The following UBE3D variants were observed in gnomAD, a reference collection of about 807,000 sequenced individuals.
UBE3D encodes ubiquitin protein ligase E3D, also known as E3 ubiquitin-protein ligase E3D.
In UBE3D, 48 loss-of-function variants were observed where a neutral mutation model predicts 49.6. The ratio of observed to expected loss-of-function variants is 0.97; its 90% CI spans 0.77 to 1.23. The LOEUF (loss-of-function observed/expected upper bound fraction) is 1.23, where lower values mean the gene tolerates loss of function less well. UBE3D is among the 50% of genes most tolerant of loss of function. The pLI, the probability that UBE3D is intolerant of heterozygous loss-of-function variation, is 0.00. For missense variants in UBE3D, 452 were observed against 468.4 expected, an observed-to-expected ratio of 0.96 and a Z score of 0.32; for synonymous variants, 189 against 174.2, an observed-to-expected ratio of 1.08 and a Z score of -0.67.
chr6:82,902,877 A>T (rs1771838534), intron 9 of UBE3D, among the ~76,000 whole-genome samples: 1 of 152,218 alleles, frequency 6.6e-6, no homozygotes, highest in South Asian at 2.1e-4. Context: ...ATCCTTAAAA[A>T]ATCCACTTGA....
intron 7 of UBE3D, among the ~76,000 whole-genome samples, chr6:83,021,460 C>T (rs1217352475): frequency 6.7e-6 from 1 of 149,012 alleles, no homozygotes; most frequent in Non-Finnish European, 1.5e-5. Context: ...AAAAAACAAA[C>T]AGGAGCAATA....
chr6:82,940,140 G>T (rs293524), intron 9 of UBE3D, among the ~76,000 whole-genome samples: 100,878 of 152,012 alleles, frequency 0.66, 34,123 homozygotes, highest in East Asian at 0.79. Flanking sequence ...CAGGCTGTCT[G>T]CCTGGCCCCA....
At chr6:82,980,588 T>C (rs1778047898) in intron 8 of UBE3D, among the ~76,000 whole-genome samples, 2 of 152,104 alleles carry the variant, frequency 1.3e-5, no homozygotes, top group Non-Finnish European at 2.9e-5. Context: ...TTAAGTCCTA[T>C]TTGCCTATTT....
chr6:82,899,202 C>T (rs1771551645), intron 9 of UBE3D, among the ~76,000 whole-genome samples: 1 of 152,100 alleles, frequency 6.6e-6, no homozygotes, highest in African/African-American at 2.4e-5. Context: ...AAATGAATGA[C>T]TGGCAAAAAG....
chr6:83,020,846 G>A (rs200024796), intron 7 of UBE3D, among the ~76,000 whole-genome samples: 30 of 152,232 alleles, frequency 2.0e-4, no homozygotes, highest in African/African-American at 7.2e-4. Context: ...TCTCATGAAG[G>A]CATTTGTGTT....
chr6:82,995,112 C>A (rs184683703), intron 8 of UBE3D, among the ~76,000 whole-genome samples: 252 of 151,910 alleles, frequency 1.7e-3, no homozygotes, highest in African/African-American at 5.9e-3. Context: ...AGGGAAGAGG[C>A]CAAAAGAAAG....
intron 9 of UBE3D, among the ~76,000 whole-genome samples, chr6:82,893,690 T>C (rs763425855): frequency 6.6e-6 from 1 of 152,242 alleles, no homozygotes; most frequent in Non-Finnish European, 1.5e-5. Context: ...TGTGCCAATA[T>C]GAGGAAGAGA....
chr6:83,011,161 C>T (rs945228538), intron 8 of UBE3D, among the ~76,000 whole-genome samples: 1 of 152,090 alleles, frequency 6.6e-6, no homozygotes, highest in Non-Finnish European at 1.5e-5. Flanking sequence ...GATATGAAGT[C>T]AATAAACTTT....
intron 8 of UBE3D, among the ~76,000 whole-genome samples, chr6:82,973,697 T>C (rs1355755536): frequency 1.3e-5 from 2 of 152,090 alleles, no homozygotes; most frequent in Non-Finnish European, 2.9e-5. Context: ...AAAAAGACAC[T>C]TAAAATGTGA....
In UBE3D at chr6:82,973,022, T is replaced by C. The variant is rs373008636; in HGVS notation, c.1011-15572A>G. On this transcript the variant is annotated intron_variant, in intron 8 of 9. Transcript: ENST00000369747. The stretch of plus-strand genomic sequence containing the variant: ...GCTACTAATGTTCTGAAATCTGTTG[T>C]TTCTACCACAGGTAAAAGCTTATTC... 2.1e-3 allele frequency among the ~76,000 whole-genome samples: 313 copies of C among 152,296 alleles called. 2 individuals carry two copies. The highest frequency in any genetic ancestry group is 7.2e-3 in the African/African-American group (298 of 41,562).
At chr6:83,063,447 A>ATGAAAAGT (rs1784306773) in intron 1 of UBE3D, among the ~76,000 whole-genome samples, 1 of 150,662 alleles carries the variant, frequency 6.6e-6, no homozygotes, top group Non-Finnish European at 1.5e-5. Context: ...AGAAAAGAAA[A>ATGAAAAGT]TGAAAAGTTA....
chr6:82,938,066 G>C (rs575446197), intron 9 of UBE3D, among the ~76,000 whole-genome samples: 2 of 152,220 alleles, frequency 1.3e-5, no homozygotes, highest in South Asian at 2.1e-4. Context: ...CTTCTAGGAT[G>C]TTCACAAGAA....
chr6:82,935,241 G>T (rs1229456243), intron 9 of UBE3D, among the ~76,000 whole-genome samples: 1 of 151,742 alleles, frequency 6.6e-6, no homozygotes, highest in Non-Finnish European at 1.5e-5. Flanking sequence ...AGAGAGGGGT[G>T]GGGGTGCCAC....
intron 9 of UBE3D, among the ~76,000 whole-genome samples, chr6:82,934,617 C>A (rs1774416123): frequency 6.6e-6 from 1 of 151,890 alleles, no homozygotes; most frequent in Admixed American, 6.6e-5. Flanking sequence ...ACAAGGTGAG[C>A]TTGCAAATCA....
chr6:83,026,413 C>T (rs984538847), intron 5 of UBE3D, among the ~76,000 whole-genome samples: 4 of 151,870 alleles, frequency 2.6e-5, no homozygotes, highest in African/African-American at 9.7e-5. Context: ...GCGCTCCAGC[C>T]TGAGAGACAG....
At chr6:82,901,013 C>A (rs1049100769) in intron 9 of UBE3D, among the ~76,000 whole-genome samples, 8 of 152,034 alleles carry the variant, frequency 5.3e-5, no homozygotes, top group Non-Finnish European at 1.2e-4. Flanking sequence ...GAATTATAGA[C>A]AAACTTACAA....
chr6:82,959,365 T>C (rs916255756), intron 8 of UBE3D, among the ~76,000 whole-genome samples: 2 of 151,670 alleles, frequency 1.3e-5, no homozygotes, highest in Non-Finnish European at 2.9e-5. Context: ...CAGAAGCAGC[T>C]TGGCTTTCCT....
intron 8 of UBE3D, among the ~76,000 whole-genome samples, chr6:82,961,507 G>C (rs574807509): frequency 5.3e-5 from 8 of 152,322 alleles, no homozygotes; most frequent in African/African-American, 1.9e-4. Context: ...CAGTTAGCAA[G>C]AAGTAGGACC....
chr6:82,977,918 C>G (rs535608674), intron 8 of UBE3D, among the ~76,000 whole-genome samples: 2 of 152,150 alleles, frequency 1.3e-5, no homozygotes, highest in African/African-American at 2.4e-5. Context: ...CTCATCAAAC[C>G]TGAACATACC....
Sources: gnomAD v4.1 joint callset for allele counts (sites outside exome capture counted in the v4.1 genomes callset) on GRCh38, gnomAD v4.1.1 for gene constraint, MANE v1.5 for transcripts, NCBI Gene and HGNC (gene_info 2026-07-23, HGNC 2026-07-21) for gene names.